The following LCA5L variants were observed in gnomAD, a reference collection of about 807,000 sequenced individuals.
The protein encoded by LCA5L is lebercilin LCA5 like, also known as lebercilin-like protein.
LCA5L carries 35 observed loss-of-function variants against 45.4 expected under a neutral mutation model. That is an observed-to-expected ratio of 0.77 (90% confidence interval 0.59 to 1.02). The LOEUF (loss-of-function observed/expected upper bound fraction) is 1.02. LCA5L is among the 50% of genes least tolerant of loss of function. The probability of loss-of-function intolerance (pLI) is 0.00; values close to 1 mark genes in which losing one functional copy is unlikely to be tolerated. For missense variants in LCA5L, 668 were observed against 761.6 expected, an observed-to-expected ratio of 0.88 and a Z score of 1.45; for synonymous variants, 233 against 264.7, an observed-to-expected ratio of 0.88 and a Z score of 1.16.
chr21:39,426,321 C>T (rs1258061412), intron 5 of LCA5L, among the ~76,000 whole-genome samples: 1 of 152,122 alleles, frequency 6.6e-6, no homozygotes, highest in Non-Finnish European at 1.5e-5. Flanking sequence ...CTTTAAAAAG[C>T]TAAATTATAA....
intron 2 of LCA5L, chr21:39,439,682 A>G (rs2076623734): frequency 6.6e-6 from 1 of 152,208 alleles, no homozygotes; most frequent in Non-Finnish European, 1.5e-5. Flanking sequence ...AGCTGGAGAA[A>G]ACAGCCGACC....
intron 5 of LCA5L, among the ~76,000 whole-genome samples, chr21:39,427,478 C>G (rs931623099): frequency 6.6e-6 from 1 of 151,852 alleles, no homozygotes; most frequent in Non-Finnish European, 1.5e-5. Flanking sequence ...CTGGCTAACA[C>G]GGTGAAACCC....
At position 39,428,027 on chromosome 21, in the gene LCA5L, T is replaced by G. The variant is rs1321058435; in HGVS notation, c.322+145A>C. The G allele has an allele frequency of 1.2e-5, 7 of 597,698 alleles. 1 individual carries two copies. Among genetic ancestry groups the G allele is most frequent in the Non-Finnish European group, 1.5e-5 (5 of 331,230 alleles). The allele number at this position is 597,698 out of a possible 1,614,324, so 37.0% of individuals were successfully genotyped here. Reference sequence around the variant, plus strand: ...ACTCTTAATTTCTCTATTTCCTAATTTATTCTATAAAAGTTCACCTATAAT... The same window carrying G: ...ACTCTTAATTTCTCTATTTCCTAATGTATTCTATAAAAGTTCACCTATAAT... On this transcript the variant is annotated intron_variant, in intron 5 of 10. Coordinates refer to ENST00000288350, the MANE Select transcript of LCA5L (RefSeq NM_152505.4).
At chr21:39,420,229 T>TA (rs921117951) in intron 7 of LCA5L, among the ~76,000 whole-genome samples, 9 of 152,106 alleles carry the variant, frequency 5.9e-5, no homozygotes, top group African/African-American at 2.2e-4. Flanking sequence ...TTAATGAAGT[T>TA]ACATAATTTA....
At chr21:39,417,236 C>T (rs2041361881) in intron 7 of LCA5L, among the ~76,000 whole-genome samples, 1 of 152,106 alleles carries the variant, frequency 6.6e-6, no homozygotes, top group African/African-American at 2.4e-5. Context: ...GATGGGGTTT[C>T]ACCATGTTGG....
chr21:39,411,712 A>G lies in LCA5L; in HGVS notation c.1060+6T>C. 2 of 1,385,464 alleles carry G rather than the reference A, an allele frequency of 1.4e-6. No homozygotes were observed. Among genetic ancestry groups the G allele is most frequent in the South Asian group, 1.4e-5 (1 of 70,740 alleles). 85.8% of individuals were successfully genotyped at this position (1,385,464 alleles called of 1,614,324 possible). ...TAGATTTTGAGCAAAAGTAATTAAA[A>G]CATACCTTTTGGATAGTCCTCTGTG... is the stretch of plus-strand genomic sequence containing the variant. On this transcript the variant is annotated splice_donor_region_variant and intron_variant, in intron 8 of 10. Coordinates refer to ENST00000288350, the MANE Select transcript of LCA5L (RefSeq NM_152505.4).
chr21:39,422,611 A>G (rs147374819), intron 6 of LCA5L: 16 of 342,728 alleles, frequency 4.7e-5, no homozygotes, highest in African/African-American at 3.2e-4. Flanking sequence ...TTTAAGGTAG[A>G]GGGTTGACTT....
intron 7 of LCA5L, chr21:39,413,976 C>T (rs2040565808): frequency 6.6e-6 from 1 of 152,314 alleles, no homozygotes; most frequent in African/African-American, 2.4e-5. Flanking sequence ...GGAGGACGGT[C>T]CTCCTTGCGG....
In LCA5L at chr21:39,443,540, A is replaced by G. The variant is rs974469260; in HGVS notation, c.-246+595T>C. The stretch of plus-strand genomic sequence containing the variant: ...GGAGCTGAAGAATGAGGGGATTCCC[A>G]TGTGACAGCTTCAAGCTTCTCTATG... On this transcript the variant is annotated intron_variant, in intron 2 of 10. Coordinates refer to ENST00000288350, the MANE Select transcript of LCA5L (RefSeq NM_152505.4). 2.0e-5 allele frequency: 3 copies of G among 152,388 alleles called. No individual in the cohort carries two copies. In the South Asian group the frequency reaches 6.2e-4, roughly 32 times the overall value. 9.4% of individuals were successfully genotyped at this position (152,388 alleles called of 1,614,324 possible). A position where few individuals can be genotyped will look rare whatever the true frequency, so the allele number is the denominator to read the frequency against.
intron 7 of LCA5L, among the ~76,000 whole-genome samples, chr21:39,415,946 T>G (rs1052280209): frequency 1.3e-5 from 2 of 152,126 alleles, no homozygotes; most frequent in African/African-American, 4.8e-5. Flanking sequence ...TTGGCATGAG[T>G]AGGTGGTGGT....
chr21:39,411,501 T>C (rs2147203864), intron 8 of LCA5L, among the ~76,000 whole-genome samples: 1 of 152,264 alleles, frequency 6.6e-6, no homozygotes, highest in South Asian at 2.1e-4. Flanking sequence ...AGAAAGGACA[T>C]AAAGGGGTGT....
intron 2 of LCA5L, among the ~76,000 whole-genome samples, chr21:39,441,757 T>C (rs117278752): frequency 0.017 from 2,634 of 152,326 alleles, 40 homozygotes; most frequent in Non-Finnish European, 0.027. Context: ...TTTACACAAG[T>C]ACCCGTTTTT....
At chr21:39,438,559 ATTT>A (rs1307820027) in intron 2 of LCA5L, 3 of 152,230 alleles carry the variant, frequency 2.0e-5, no homozygotes, top group African/African-American at 7.2e-5. Flanking sequence ...AATTTCCTTA[ATTT>A]GCAGAGACCT....
At chr21:39,437,581 T>A (rs1396617076) in intron 2 of LCA5L, among the ~76,000 whole-genome samples, 1 of 152,004 alleles carries the variant, frequency 6.6e-6, no homozygotes, top group Non-Finnish European at 1.5e-5. Context: ...CACCTCAGTC[T>A]CCCGGGTAGC....
chr21:39,424,396 C>T (rs879759052), intron 5 of LCA5L, among the ~76,000 whole-genome samples: 4 of 152,112 alleles, frequency 2.6e-5, no homozygotes, highest in Non-Finnish European at 5.9e-5. Flanking sequence ...CGGGAGGATC[C>T]CTTGAGCCCA....
intron 2 of LCA5L, among the ~76,000 whole-genome samples, chr21:39,440,889 TATAA>T (rs2076769532): frequency 6.6e-6 from 1 of 152,256 alleles, no homozygotes; most frequent in Admixed American, 6.5e-5. Flanking sequence ...TCTCTAAGCT[TATAA>T]ATGTGGTATT....
rs1406105983 is a variant in LCA5L at position 39,435,560 on chromosome 21, A to G, written c.-232T>C. On this transcript the variant is annotated 5_prime_UTR_variant, in exon 3 of 11. Transcript: ENST00000288350. ...TTTGGTCTCTTTTTAAAGAAAGAAT[A>G]TATTTTAAAAAACCTAAAATGGTAT... The G allele has an allele frequency of 1.3e-5, 2 of 152,242 alleles. No homozygotes were observed. Among genetic ancestry groups the G allele is most frequent in the East Asian group, 3.8e-4 (2 of 5,204 alleles). 9.4% of individuals were successfully genotyped at this position (152,242 alleles called of 1,614,324 possible).
At position 39,428,413 on chromosome 21, in the gene LCA5L, T is replaced by C. The variant is rs534170364; in HGVS notation, c.81A>G (p.Ala27=). The change falls in exon 5 of 11, where the codon GCA becomes GCG. Residue 27 remains alanine (A), a synonymous_variant. Transcript: ENST00000288350. ...CTGTGCCTGGGCTTCTCTTGCATGC[T>C]GCAGACCTCCTATTGTTTTCTAATG... ...GVALENNRRS[A]ACKRSPGTGD... 2 of 1,612,996 alleles carry C rather than the reference T, an allele frequency of 1.2e-6. No individual in the cohort carries two copies. Among genetic ancestry groups the C allele is most frequent in the African/African-American group, 1.3e-5 (1 of 74,886 alleles).
intron 1 of LCA5L, chr21:39,445,392 G>A (rs2077368422): frequency 6.6e-6 from 1 of 152,314 alleles, no homozygotes; most frequent in African/African-American, 2.4e-5. Flanking sequence ...GGGCGGCGGT[G>A]AGATCGGCCT....
Sources: gnomAD v4.1 joint callset for allele counts (sites outside exome capture counted in the v4.1 genomes callset) on GRCh38, gnomAD v4.1.1 for gene constraint, MANE v1.5 for transcripts, NCBI Gene and HGNC (gene_info 2026-07-23, HGNC 2026-07-21) for gene names.